Variants in ITPRID2 observed in about 807,000 individuals in gnomAD.
ITPRID2 encodes the protein protein ITPRID2.
A neutral mutation model predicts 124.3 loss-of-function variants in ITPRID2; 60 were observed. The ratio of observed to expected loss-of-function variants is 0.48; its 90% CI spans 0.39 to 0.60. The LOEUF (loss-of-function observed/expected upper bound fraction) is 0.60, where lower values mean the gene tolerates loss of function less well. ITPRID2 is among the 20% of genes least tolerant of loss of function. The pLI is 0.00. For synonymous variants in ITPRID2, 521 were observed against 542.9 expected (o/e 0.96, Z 0.56); for missense variants, 1,553 against 1,512.2 (o/e 1.03, Z -0.45).
intron 8 of ITPRID2, among the ~76,000 whole-genome samples, chr2:181,909,044 G>T (rs1485061230): frequency 4.6e-5 from 7 of 152,004 alleles, no homozygotes; most frequent in Admixed American, 4.6e-4. Context: ...GAGTGTTTGT[G>T]GGGTGGAGGT....
chr2:181,912,964 T>A (rs1693723662), intron 9 of ITPRID2, among the ~76,000 whole-genome samples: 1 of 152,246 alleles, frequency 6.6e-6, no homozygotes, highest in Non-Finnish European at 1.5e-5. Flanking sequence ...AATTGTTTCA[T>A]ACCTTATACA....
At position 181,924,586 on chromosome 2, in the gene ITPRID2, C is replaced by G. The variant is rs553927055; in HGVS notation, c.3675+2174C>G. Among the ~76,000 whole-genome samples, 13 of 152,274 alleles carry G rather than the reference C, an allele frequency of 8.5e-5. 1 individual carries two copies. Among genetic ancestry groups the G allele is most frequent in the Admixed American group, 7.8e-4 (12 of 15,290 alleles). ...ATTAAGCATGTTTGGCAGGCACTTT[C>G]AGGAAAGTTTTCTTACTGCGTTCAT... On this transcript the variant is annotated intron_variant, in intron 16 of 17. Coordinates refer to ENST00000431877, the MANE Select transcript of ITPRID2 (RefSeq NM_001130445.3).
Position 181,902,376 on chromosome 2 carries a change from C to T in ITPRID2, c.1323C>T (p.Ser441=), listed in dbSNP as rs1692738806. 2.5e-6 allele frequency: 4 copies of T among 1,613,746 alleles called. No individual in the cohort carries two copies. The highest frequency in any genetic ancestry group is 4.5e-5 in the East Asian group (2 of 44,856). The change falls in exon 8 of 18, where the codon TCC becomes TCT. Residue 441 remains serine (S), a synonymous_variant. Transcript: ENST00000431877. This position sits in a 1 kb window ranked among gnomAD's most constrained non-coding sequence, Gnocchi z 4.4. ...NSSELKSVHI[S]TPEKEPCAPL... ...GTGAGCTGAAAAGTGTCCATATATC[C>T]ACACCTGAAAAAGAGCCTTGTGCAC...
chr2:181,901,052 T>A, intron 7 of ITPRID2, 148 bp downstream of exon 7: 1 of 661,340 alleles, frequency 1.5e-6, no homozygotes, highest in Non-Finnish European at 2.4e-6. Context: ...ATGTTAAAAT[T>A]AAGCTATTTT....
intron 16 of ITPRID2, among the ~76,000 whole-genome samples, chr2:181,925,857 G>T (rs1167809518): frequency 6.6e-6 from 1 of 152,122 alleles, no homozygotes. Context: ...TTCTTTCTTT[G>T]TTGTGACATA....
In ITPRID2 at chr2:181,905,558, A is replaced by AG. The variant is rs1364569745; in HGVS notation, c.1413+3094dup. On this transcript the variant is annotated intron_variant, in intron 8 of 17. Coordinates refer to ENST00000431877, the MANE Select transcript of ITPRID2 (RefSeq NM_001130445.3). The surrounding 1 kb of genome is among the most constrained non-coding windows in gnomAD (Gnocchi z 4.1). ...GCAGATGTTCATCTTTTAGATGTAA[A>AG]GGAAAAACTTAAGAAGGAGAACTTT... is the stretch of plus-strand genomic sequence containing the variant. Among the ~76,000 whole-genome samples, 1 of 152,208 alleles carries AG rather than the reference A, an allele frequency of 6.6e-6. No individual in the cohort carries two copies. The highest frequency in any genetic ancestry group is 2.4e-5 in the African/African-American group (1 of 41,464).
Position 181,910,015 on chromosome 2 carries a change from A to G in ITPRID2, c.1486+44A>G, listed in dbSNP as rs1558996679. 2.7e-6 allele frequency: 4 copies of G among 1,480,354 alleles called. No individual in the cohort carries two copies. The highest frequency in any genetic ancestry group is 1.4e-5 in the African/African-American group (1 of 72,002). The allele number at this position is 1,480,354 out of a possible 1,614,324, so 91.7% of individuals were successfully genotyped here. A position where few individuals can be genotyped will look rare whatever the true frequency, so the allele number is the denominator to read the frequency against. ...ACTAGTTCTGAGCACATTATCAAAT[A>G]TTAGTTGATTTGGAAAAGGGGTTTT... On this transcript the variant is annotated intron_variant, in intron 9 of 17. Transcript: ENST00000431877. The surrounding 1 kb of genome is among the most constrained non-coding windows in gnomAD (Gnocchi z 4.1).
rs1559014089 is a variant in ITPRID2 at position 181,919,677 on chromosome 2, AG to A, written c.3144+233del. 6.6e-6 allele frequency among the ~76,000 whole-genome samples: 1 copy of A among 152,220 alleles called. No individual in the cohort carries two copies. Among genetic ancestry groups the A allele is most frequent in the African/African-American group, 2.4e-5 (1 of 41,444 alleles). Reference sequence around the variant, plus strand: ...ATTTTTAATGATAAATTTTAATAACAGGAAAGAATAAGGGCTTATACGAAAG... The same window carrying A: ...ATTTTTAATGATAAATTTTAATAACAGAAAGAATAAGGGCTTATACGAAAG... On this transcript the variant is annotated intron_variant, in intron 14 of 17. Transcript: ENST00000431877. The surrounding 1 kb of genome is among the most constrained non-coding windows in gnomAD (Gnocchi z 4.2).
chr2:181,926,712 CAA>C (rs567004734), intron 16 of ITPRID2, among the ~76,000 whole-genome samples: 60 of 65,932 alleles, frequency 9.1e-4, no homozygotes, highest in South Asian at 2.7e-3. Flanking sequence ...GAATCCATCT[CAA>C]AAAAAAAAAA....
Position 181,899,051 on chromosome 2 carries a change from C to T in ITPRID2, c.442C>T (p.His148Tyr). 3 of 1,611,944 alleles carry T rather than the reference C, an allele frequency of 1.9e-6. No individual in the cohort carries two copies. The highest frequency in any genetic ancestry group is 1.7e-6 in the Non-Finnish European group (2 of 1,179,324). Residue 148 changes from histidine to tyrosine, a missense_variant, in exon 6 of 18, where the codon CAT (histidine) becomes TAT (tyrosine). Coordinates refer to ENST00000431877, the MANE Select transcript of ITPRID2 (RefSeq NM_001130445.3). ...GGCCAAAGAGAGAAGATTACAGTTT[C>T]ATCAGAAAGGGAGAAGTATGAATTC... ...ILAKERRLQF[H>Y]QKGRSMNSTG...
chr2:181,898,759 T>C (rs1344473086), intron 4 of ITPRID2, 121 bp from the exon 5 acceptor site: 2 of 763,982 alleles, frequency 2.6e-6, no homozygotes, highest in African/African-American at 3.5e-5. Flanking sequence ...CCAAGATAAG[T>C]GTTTAATATA....
intron 8 of ITPRID2, among the ~76,000 whole-genome samples, chr2:181,906,352 T>C (rs1318484778): frequency 6.6e-6 from 1 of 152,228 alleles, no homozygotes; most frequent in Non-Finnish European, 1.5e-5. Flanking sequence ...ACATTCTTAC[T>C]ACTTTACTGT....
intron 9 of ITPRID2, among the ~76,000 whole-genome samples, chr2:181,911,177 A>G (rs1693574642): frequency 6.6e-6 from 1 of 152,196 alleles, no homozygotes; most frequent in Admixed American, 6.5e-5. Context: ...TGTGTGCATG[A>G]GAGAGAAGAG....
intron 16 of ITPRID2, 81 bp downstream of exon 16, chr2:181,922,493 A>C: frequency 7.8e-7 from 1 of 1,282,902 alleles, no homozygotes; most frequent in Non-Finnish European, 1.1e-6. Context: ...TTATTTACAG[A>C]ATGTTCTTTT....
At chr2:181,921,573 T>C (rs1034120194) in intron 15 of ITPRID2, among the ~76,000 whole-genome samples, 1 of 152,230 alleles carries the variant, frequency 6.6e-6, no homozygotes. Flanking sequence ...AGCTGTAACA[T>C]GACCACGTTT....
At chr2:181,926,207 T>G (rs1210466770) in intron 16 of ITPRID2, among the ~76,000 whole-genome samples, 1 of 151,624 alleles carries the variant, frequency 6.6e-6, no homozygotes, top group Non-Finnish European at 1.5e-5. Flanking sequence ...GAGGTTGCAG[T>G]GAGCCGAGAT....
chr2:181,928,995 T>C (rs1695079974), intron 17 of ITPRID2, among the ~76,000 whole-genome samples: 1 of 152,118 alleles, frequency 6.6e-6, no homozygotes, highest in African/African-American at 2.4e-5. Flanking sequence ...TCCCATAGAT[T>C]CATTTCTAAT....
At chr2:181,894,267 G>C (rs1277962759) in intron 2 of ITPRID2, 1 of 152,190 alleles carries the variant, frequency 6.6e-6, no homozygotes, top group Non-Finnish European at 1.5e-5. Flanking sequence ...GACAAATGCA[G>C]TAGGCAAATG....
Position 181,916,259 on chromosome 2 carries a change from A to G in ITPRID2, c.2619A>G (p.Ile873Met), listed in dbSNP as rs1391994980. 1 of 1,614,188 alleles carries G rather than the reference A, an allele frequency of 6.2e-7. No homozygotes were observed. Among genetic ancestry groups the G allele is most frequent in the Non-Finnish European group, 8.5e-7 (1 of 1,180,034 alleles). The change falls in exon 11 of 18, where the codon ATA becomes ATG. Residue 873 changes from isoleucine (I) to methionine (M), a missense_variant. Ile to Met is a conservative substitution (Grantham distance 10). Transcript: ENST00000431877. ...RTLSTHSVPN[I>M]SGATCSAFAS... ...TGAGCACTCACAGTGTTCCCAACAT[A>G]TCAGGGGCTACTTGTAGTGCCTTCG...
Sources: gnomAD v4.1 joint callset for allele counts (sites outside exome capture counted in the v4.1 genomes callset) on GRCh38, gnomAD v4.1.1 for gene constraint, Gnocchi (gnomAD v3.1) non-coding constraint, MANE v1.5 for transcripts, NCBI Gene and HGNC (gene_info 2026-07-23, HGNC 2026-07-21) for gene names.